The following SDK1 variants were observed in gnomAD, a reference collection of about 807,000 sequenced individuals.
SDK1 encodes the protein protein sidekick-1.
Under a neutral mutation model 245.5 loss-of-function variants are expected in SDK1, and 157 were observed. The ratio of observed to expected loss-of-function variants is 0.64; its 90% CI spans 0.56 to 0.73. The LOEUF (loss-of-function observed/expected upper bound fraction) is 0.73. SDK1 is among the 30% of genes least tolerant of loss of function. SDK1 has a pLI of 0.00. For missense variants in SDK1, 3,583 were observed against 3,002.3 expected (o/e 1.19, Z -4.52); for synonymous variants, 1,647 against 1,278.5 (o/e 1.29, Z -6.15).
intron 1 of SDK1, among the ~76,000 whole-genome samples, chr7:3,376,394 A>G (rs995570808): frequency 1.3e-5 from 2 of 152,176 alleles, no homozygotes; most frequent in Admixed American, 1.3e-4. Context: ...AATTAGGAAG[A>G]TTTGAGCAAC....
intron 4 of SDK1, among the ~76,000 whole-genome samples, chr7:3,702,783 TC>T (rs1415181098): frequency 3.3e-5 from 5 of 152,204 alleles, no homozygotes; most frequent in African/African-American, 1.2e-4. Context: ...GCATTTTTAC[TC>T]ATGGTACTCC....
At position 4,251,409 on chromosome 7, in the gene SDK1, G is replaced by A. The variant is rs138790631; in HGVS notation, c.6381+5604G>A. Among the ~76,000 whole-genome samples the A allele has an allele frequency of 3.0e-3, 462 of 152,290 alleles. 4 individuals are homozygous for A. Among genetic ancestry groups the A allele is most frequent in the African/African-American group, 0.011 (442 of 41,556 alleles). ...GCTTCTAAGAGTCTTCTCCTATAGA[G>A]GCACACAGAACACACTTAGTCCTCC... On this transcript the variant is annotated intron_variant, in intron 44 of 44. Coordinates refer to ENST00000404826, the MANE Select transcript of SDK1 (RefSeq NM_152744.4).
chr7:4,058,897 A>T (rs973726891), intron 19 of SDK1, among the ~76,000 whole-genome samples: 1 of 152,142 alleles, frequency 6.6e-6, no homozygotes, highest in African/African-American at 2.4e-5. Flanking sequence ...CCATCATGAA[A>T]ATGTACAAAC....
In SDK1 at chr7:3,408,929, A is replaced by G. The variant is rs73298374; in HGVS notation, c.298+107045A>G. ...AAATAATTAAACAATGCTGATGTAC[A>G]GTTCTTATTGCATTTCAAAAACCTA... is the stretch of plus-strand genomic sequence containing the variant. On this transcript the variant is annotated intron_variant, in intron 1 of 44. Coordinates refer to ENST00000404826, the MANE Select transcript of SDK1 (RefSeq NM_152744.4). 9.1e-3 allele frequency among the ~76,000 whole-genome samples: 1,388 copies of G among 152,320 alleles called. 28 individuals are homozygous for G. The highest frequency in any genetic ancestry group is 0.031 in the African/African-American group (1,309 of 41,560).
chr7:4,248,763 C>G (rs1053414611), intron 44 of SDK1, among the ~76,000 whole-genome samples: 1 of 152,034 alleles, frequency 6.6e-6, no homozygotes, highest in Non-Finnish European at 1.5e-5. Flanking sequence ...TGCATGTGCA[C>G]ACATACATCA....
chr7:4,121,908 A>G (rs529562686), intron 25 of SDK1, among the ~76,000 whole-genome samples: 1 of 152,314 alleles, frequency 6.6e-6, no homozygotes, highest in African/African-American at 2.4e-5. Context: ...TCTGGGAAAA[A>G]AAGTTTTGGT....
At chr7:3,525,673 G>A (rs1451770992) in intron 1 of SDK1, among the ~76,000 whole-genome samples, 2 of 151,972 alleles carry the variant, frequency 1.3e-5, no homozygotes, top group Non-Finnish European at 2.9e-5. Context: ...TAATTTGGCA[G>A]GTGATATCAA....
intron 4 of SDK1, among the ~76,000 whole-genome samples, chr7:3,717,158 A>G (rs1785228062): frequency 1.3e-5 from 2 of 152,216 alleles, no homozygotes; most frequent in African/African-American, 4.8e-5. Flanking sequence ...TGCCTCTTAT[A>G]ACAATTAGAG....
intron 4 of SDK1, among the ~76,000 whole-genome samples, chr7:3,736,895 C>T (rs1222243853): frequency 6.6e-6 from 1 of 152,192 alleles, no homozygotes; most frequent in Non-Finnish European, 1.5e-5. Context: ...AGAACTTTTG[C>T]ATCTTATAAC....
At position 4,064,106 on chromosome 7, in the gene SDK1, G is replaced by T. The variant is rs1211388862; in HGVS notation, c.2912-3732G>T. Reference sequence around the variant, plus strand: ...GACTATATCAAACTTAAAAACTTCTGTACAGCAAAGGAAATGGTAAACAGA... The same window carrying T: ...GACTATATCAAACTTAAAAACTTCTTTACAGCAAAGGAAATGGTAAACAGA... On this transcript the variant is annotated intron_variant, in intron 19 of 44. Transcript: ENST00000404826. Among the ~76,000 whole-genome samples the T allele has an allele frequency of 3.3e-5, 5 of 152,170 alleles. No homozygotes were observed. The East Asian group carries it at 9.6e-4, about 29-fold the overall frequency.
chr7:4,009,242 C>T (rs7807772), intron 14 of SDK1, among the ~76,000 whole-genome samples: 66,174 of 152,106 alleles, frequency 0.44, 16,130 homozygotes, highest in African/African-American at 0.67. Context: ...TTCTACATAC[C>T]AGTTCTCTTC....
At chr7:3,726,085 C>T (rs1310148523) in intron 4 of SDK1, among the ~76,000 whole-genome samples, 2 of 152,230 alleles carry the variant, frequency 1.3e-5, no homozygotes, top group Non-Finnish European at 2.9e-5. Flanking sequence ...TCTTTCCTCA[C>T]AGCCTCCCAG....
chr7:3,758,888 C>T (rs1386077737), intron 4 of SDK1, among the ~76,000 whole-genome samples: 2 of 152,140 alleles, frequency 1.3e-5, no homozygotes, highest in African/African-American at 2.4e-5. Flanking sequence ...TGTCTGTATC[C>T]ATCTGTATCT....
In SDK1 at chr7:3,754,633, G is replaced by A. The variant is rs552363319; in HGVS notation, c.714-66817G>A. ...TTCCTGTCCCAGGGAAGTTCTCCCC[G>A]GATTGCTGACTGGAGAAACAGCATG... On this transcript the variant is annotated intron_variant, in intron 4 of 44. Transcript: ENST00000404826. Among the ~76,000 whole-genome samples the A allele has an allele frequency of 7.9e-5, 12 of 151,716 alleles. No individual in the cohort carries two copies. The South Asian group carries it at 2.1e-3, about 27-fold the overall frequency.
intron 1 of SDK1, among the ~76,000 whole-genome samples, chr7:3,430,754 C>T (rs766375037): frequency 7.9e-5 from 12 of 152,184 alleles, no homozygotes; most frequent in East Asian, 1.9e-4. Context: ...GTCTGCTGCC[C>T]TGGGGGCCGA....
At chr7:4,122,133 C>G (rs747416067) in intron 25 of SDK1, among the ~76,000 whole-genome samples, 2 of 152,126 alleles carry the variant, frequency 1.3e-5, no homozygotes, top group African/African-American at 2.4e-5. Flanking sequence ...GACTTCCGCT[C>G]CCCCTCCTTG....
intron 1 of SDK1, among the ~76,000 whole-genome samples, chr7:3,339,703 TA>T (rs1780295773): frequency 6.6e-6 from 1 of 152,084 alleles, no homozygotes; most frequent in African/African-American, 2.4e-5. Flanking sequence ...AATATGTTAT[TA>T]AATATGTGGG....
intron 4 of SDK1, among the ~76,000 whole-genome samples, chr7:3,749,135 A>T (rs567877006): frequency 9.2e-5 from 14 of 151,484 alleles, no homozygotes; most frequent in Non-Finnish European, 1.3e-4. Flanking sequence ...GGAGAACATC[A>T]CCTCTTTTTT....
intron 1 of SDK1, among the ~76,000 whole-genome samples, chr7:3,574,681 T>C (rs954949643): frequency 6.6e-6 from 1 of 152,040 alleles, no homozygotes. Context: ...TAAAGTAGTG[T>C]ATAAAGTAGC....
Sources: gnomAD v4.1 joint callset for allele counts (sites outside exome capture counted in the v4.1 genomes callset) on GRCh38, gnomAD v4.1.1 for gene constraint, MANE v1.5 for transcripts, NCBI Gene and HGNC (gene_info 2026-07-23, HGNC 2026-07-21) for gene names.